Variants in AFAP1 observed in about 807,000 individuals in gnomAD.
AFAP1 encodes the protein actin filament-associated protein 1.
Under a neutral mutation model 93.9 loss-of-function variants are expected in AFAP1, and 75 were observed. The observed-to-expected ratio is 0.80, with a 90% CI of 0.66 to 0.97. The LOEUF is 0.97. Among genes scored for constraint, AFAP1 ranks in the 50% least tolerant of loss-of-function variants. The pLI is 0.00. For missense variants in AFAP1, 1,201 were observed against 1,050.8 expected (o/e 1.14, Z -1.98); for synonymous variants, 517 against 430.7 (o/e 1.20, Z -2.48).
intron 10 of AFAP1, among the ~76,000 whole-genome samples, chr4:7,796,040 G>A (rs982262985): frequency 6.6e-6 from 1 of 152,090 alleles, no homozygotes. Flanking sequence ...TCTGTCATAT[G>A]TATAACATAT....
At chr4:7,931,719 A>G (rs1457937876) in intron 1 of AFAP1, among the ~76,000 whole-genome samples, 1 of 152,108 alleles carries the variant, frequency 6.6e-6, no homozygotes, top group South Asian at 2.1e-4. Context: ...GAATGCAACC[A>G]CTTTGAAAAT....
intron 6 of AFAP1, among the ~76,000 whole-genome samples, chr4:7,829,866 T>C (rs1254636313): frequency 6.6e-6 from 1 of 152,226 alleles, no homozygotes; most frequent in Non-Finnish European, 1.5e-5. Context: ...TTACTCTTTC[T>C]GAGAATTTAG....
chr4:7,820,628 G>A (rs1720892847), intron 6 of AFAP1, among the ~76,000 whole-genome samples: 1 of 152,178 alleles, frequency 6.6e-6, no homozygotes, highest in African/African-American at 2.4e-5. Context: ...AGACAGCCGT[G>A]ACTCCCTAAG....
intron 1 of AFAP1, among the ~76,000 whole-genome samples, chr4:7,908,668 T>C (rs747625685): frequency 1.7e-4 from 26 of 152,174 alleles, no homozygotes; most frequent in Middle Eastern, 3.2e-3. Flanking sequence ...CAAAACAACA[T>C]TCCTTGTTCA....
Position 7,880,989 on chromosome 4 carries a change from C to G in AFAP1, c.-2-8909G>C, listed in dbSNP as rs1356293897. Reference sequence around the variant, plus strand: ...ATTGCTATTTGCATCCTGAATTACACTCAAGGGCCTTGCTACAACCAACAC... The same window carrying G: ...ATTGCTATTTGCATCCTGAATTACAGTCAAGGGCCTTGCTACAACCAACAC... On this transcript the variant is annotated intron_variant, in intron 1 of 17. Coordinates refer to ENST00000420658, the MANE Select transcript of AFAP1 (RefSeq NM_001134647.2). 5.9e-5 allele frequency among the ~76,000 whole-genome samples: 9 copies of G among 152,206 alleles called. No homozygotes were observed. In the East Asian group the frequency reaches 1.5e-3, roughly 26 times the overall value.
intron 8 of AFAP1, among the ~76,000 whole-genome samples, chr4:7,810,547 TC>T (rs1224643987): frequency 6.6e-6 from 1 of 152,146 alleles, no homozygotes; most frequent in African/African-American, 2.4e-5. Context: ...CCCTCGGCCA[TC>T]TGTGAGACAC....
At chr4:7,918,457 A>G (rs1294010202) in intron 1 of AFAP1, among the ~76,000 whole-genome samples, 17 of 111,566 alleles carry the variant, frequency 1.5e-4, no homozygotes, top group East Asian at 6.6e-4. Flanking sequence ...CAGGTCACCC[A>G]CAAACAGGGC....
chr4:7,765,504 C>T (rs1222097680), intron 17 of AFAP1, among the ~76,000 whole-genome samples: 1 of 152,244 alleles, frequency 6.6e-6, no homozygotes, highest in Non-Finnish European at 1.5e-5. Flanking sequence ...TCACCTCTTC[C>T]TTTCCATCCA....
chr4:7,897,155 T>C (rs6824266), intron 1 of AFAP1, among the ~76,000 whole-genome samples: 1 of 152,020 alleles, frequency 6.6e-6, no homozygotes, highest in Admixed American at 6.6e-5. Flanking sequence ...CTTCTTTGGG[T>C]AGGCTGAGCT....
Position 7,762,190 on chromosome 4 carries a change from C to A in AFAP1, c.*1575G>T, listed in dbSNP as rs1035516452. The stretch of plus-strand genomic sequence containing the variant: ...AAGCGCCACCACCTTAAACATGAAT[C>A]CTAACTGTAAAGTCCCGTGCACCAC... On this transcript the variant is annotated 3_prime_UTR_variant, in exon 18 of 18. Transcript: ENST00000420658. The A allele has an allele frequency of 2.0e-5, 3 of 152,246 alleles. No individual in the cohort carries two copies. Among genetic ancestry groups the A allele is most frequent in the African/African-American group, 7.2e-5 (3 of 41,458 alleles). The allele number at this position is 152,246 out of a possible 1,614,324, so 9.4% of individuals were successfully genotyped here. A position where few individuals can be genotyped will look rare whatever the true frequency, so the allele number is the denominator to read the frequency against.
intron 11 of AFAP1, among the ~76,000 whole-genome samples, chr4:7,788,064 G>T (rs1717482434): frequency 6.6e-6 from 1 of 152,240 alleles, no homozygotes; most frequent in Admixed American, 6.5e-5. Flanking sequence ...CCCCACTGGA[G>T]GGTCGGCCTC....
At chr4:7,874,327 C>CG (rs1717326935) in intron 1 of AFAP1, among the ~76,000 whole-genome samples, 3 of 150,384 alleles carry the variant, frequency 2.0e-5, no homozygotes, top group African/African-American at 7.4e-5. Flanking sequence ...TCCCAACTAC[C>CG]TATCTGTGGG....
intron 11 of AFAP1, among the ~76,000 whole-genome samples, chr4:7,787,962 C>CG (rs1041677447): frequency 1.3e-5 from 2 of 152,192 alleles, no homozygotes. Flanking sequence ...GTGCTGCCCC[C>CG]CAGGAGGCGG....
intron 3 of AFAP1, among the ~76,000 whole-genome samples, chr4:7,856,573 ACTCT>A (rs927681635): frequency 6.6e-6 from 1 of 151,800 alleles, no homozygotes; most frequent in African/African-American, 2.4e-5. Context: ...AGAGACCGAA[ACTCT>A]CTCTGGTTGT....
chr4:7,895,574 C>T (rs1718716650), intron 1 of AFAP1, among the ~76,000 whole-genome samples: 1 of 152,152 alleles, frequency 6.6e-6, no homozygotes, highest in Admixed American at 6.5e-5. Flanking sequence ...ATGTTTCATG[C>T]AATGCCAATC....
intron 3 of AFAP1, among the ~76,000 whole-genome samples, chr4:7,862,481 T>C (rs1304721557): frequency 6.6e-6 from 1 of 151,322 alleles, no homozygotes; most frequent in Non-Finnish European, 1.5e-5. Context: ...GGATAAAGTA[T>C]GGAGCTGGAT....
chr4:7,785,901 C>A (rs1007915719), intron 12 of AFAP1, among the ~76,000 whole-genome samples: 2 of 152,180 alleles, frequency 1.3e-5, no homozygotes, highest in Non-Finnish European at 2.9e-5. Context: ...TGCACCACTG[C>A]ACTCCAGCCT....
In AFAP1 at chr4:7,923,157, C is replaced by T. The variant is rs190632845; in HGVS notation, c.-3+16499G>A. ...AGACAAGACTCAATTAAGACATAAG[C>T]AAAGGCCCTGGGCTCACAGCACTAT... On this transcript the variant is annotated intron_variant, in intron 1 of 17. Transcript: ENST00000420658. Among the ~76,000 whole-genome samples, 7 of 152,248 alleles carry T rather than the reference C, an allele frequency of 4.6e-5. No homozygotes were observed. The East Asian group carries it at 1.4e-3, about 29-fold the overall frequency.
intron 1 of AFAP1, among the ~76,000 whole-genome samples, chr4:7,902,822 C>G (rs1719191843): frequency 2.0e-5 from 3 of 152,158 alleles, no homozygotes; most frequent in Admixed American, 6.5e-5. Flanking sequence ...CTGGAGCGCT[C>G]CTGGGCCTCA....
Sources: allele counts gnomAD v4.1 joint callset (sites outside exome capture counted in the v4.1 genomes callset), GRCh38; gene constraint gnomAD v4.1.1; transcripts MANE v1.5; gene names NCBI Gene and HGNC (gene_info 2026-07-23, HGNC 2026-07-21).